The following OPCML variants were observed in gnomAD, a reference collection of about 807,000 sequenced individuals.
OPCML encodes opioid binding protein/cell adhesion molecule like.
OPCML carries 13 observed loss-of-function variants against 37.8 expected under a neutral mutation model. The ratio of observed to expected loss-of-function variants is 0.34; its 90% CI spans 0.22 to 0.55. The LOEUF (loss-of-function observed/expected upper bound fraction) is 0.55, where lower values mean the gene tolerates loss of function less well. Among genes scored for constraint, OPCML ranks in the 20% least tolerant of loss-of-function variants. OPCML has a pLI of 0.91. For missense variants in OPCML, 341 were observed against 435.6 expected (o/e 0.78, Z 1.93); for synonymous variants, 176 against 168.8 (o/e 1.04, Z -0.33).
intron 3 of OPCML, among the ~76,000 whole-genome samples, chr11:132,648,347 C>A (rs966852965): frequency 2.0e-5 from 3 of 152,102 alleles, no homozygotes; most frequent in African/African-American, 4.8e-5. Context: ...CAGGTCTCTT[C>A]GGAAATAAGC....
At chr11:133,007,737 C>T in intron 1 of OPCML, 1 of 985,298 alleles carries the variant, frequency 1.0e-6, no homozygotes, top group Non-Finnish European at 1.2e-6. Flanking sequence ...AGACCCAGGC[C>T]CACACAGAGT....
At chr11:133,388,379 G>A (rs1945102053) in intron 1 of OPCML, among the ~76,000 whole-genome samples, 1 of 152,098 alleles carries the variant, frequency 6.6e-6, no homozygotes, top group Non-Finnish European at 1.5e-5. Flanking sequence ...GAATGAGCTG[G>A]GCCTCTACTC....
intron 1 of OPCML, among the ~76,000 whole-genome samples, chr11:133,002,451 A>G (rs1015092370): frequency 6.6e-6 from 1 of 152,222 alleles, no homozygotes; most frequent in Non-Finnish European, 1.5e-5. Flanking sequence ...CTCACCGCTT[A>G]CATCCATGTC....
At chr11:132,643,154 G>A (rs1030884435) in intron 3 of OPCML, among the ~76,000 whole-genome samples, 1 of 152,208 alleles carries the variant, frequency 6.6e-6, no homozygotes, top group African/African-American at 2.4e-5. Context: ...GCACGAGCCT[G>A]TAATCCCAGC....
intron 3 of OPCML, among the ~76,000 whole-genome samples, chr11:132,590,186 A>C (rs1416325499): frequency 1.3e-5 from 2 of 152,174 alleles, no homozygotes; most frequent in African/African-American, 4.8e-5. Flanking sequence ...TTACTATTCA[A>C]ATTTTATTTC....
intron 1 of OPCML, among the ~76,000 whole-genome samples, chr11:133,384,862 TGAGTGGTAG>T (rs1945010907): frequency 6.6e-6 from 1 of 152,194 alleles, no homozygotes. Context: ...TGGCTGGACA[TGAGTGGTAG>T]CTGCAGGAAG....
intron 1 of OPCML, among the ~76,000 whole-genome samples, chr11:133,290,864 G>A (rs757859362): frequency 3.2e-4 from 48 of 152,228 alleles, no homozygotes; most frequent in Non-Finnish European, 6.2e-4. Flanking sequence ...TGAGGCCACA[G>A]CAATGGAGTT....
At chr11:132,905,783 A>G (rs1266930207) in intron 2 of OPCML, among the ~76,000 whole-genome samples, 1 of 152,140 alleles carries the variant, frequency 6.6e-6, no homozygotes, top group Non-Finnish European at 1.5e-5. Context: ...ATAAGCTTAG[A>G]TAAGTTATCA....
chr11:133,184,888 G>A (rs1018483333), intron 1 of OPCML, among the ~76,000 whole-genome samples: 1 of 152,176 alleles, frequency 6.6e-6, no homozygotes, highest in Admixed American at 6.5e-5. Flanking sequence ...ACGTTTTCTA[G>A]TCTCATCCTA....
intron 1 of OPCML, among the ~76,000 whole-genome samples, chr11:132,970,056 C>T (rs1041550264): frequency 3.9e-5 from 6 of 152,118 alleles, no homozygotes; most frequent in African/African-American, 1.4e-4. Flanking sequence ...ACTGACCCTC[C>T]TGGCTCTCTT....
intron 4 of OPCML, among the ~76,000 whole-genome samples, chr11:132,488,617 T>C (rs1223962568): frequency 6.6e-6 from 1 of 152,226 alleles, no homozygotes; most frequent in Non-Finnish European, 1.5e-5. Flanking sequence ...CCTGGGATAT[T>C]ACCATACTCC....
intron 1 of OPCML, among the ~76,000 whole-genome samples, chr11:132,948,393 A>G (rs1192647490): frequency 6.6e-6 from 1 of 152,182 alleles, no homozygotes; most frequent in East Asian, 1.9e-4. Context: ...TAAAGTTTGA[A>G]TATTTCTGGC....
At chr11:132,640,520 T>C (rs1793280) in intron 3 of OPCML, among the ~76,000 whole-genome samples, 15,474 of 152,144 alleles carry the variant, frequency 0.1, 1,103 homozygotes, top group African/African-American at 0.21. Flanking sequence ...TGTCATTTCT[T>C]TTATCATGAA....
chr11:133,284,517 CAG>C (rs1167228612), intron 1 of OPCML, among the ~76,000 whole-genome samples: 1 of 152,152 alleles, frequency 6.6e-6, no homozygotes, highest in Non-Finnish European at 1.5e-5. Flanking sequence ...AGGAGGAAGA[CAG>C]AGATGGGAAG....
chr11:132,782,873 T>C (rs1230932633), intron 2 of OPCML, among the ~76,000 whole-genome samples: 1 of 147,120 alleles, frequency 6.8e-6, no homozygotes, highest in Non-Finnish European at 1.5e-5. Flanking sequence ...TATAATTATA[T>C]ATAAATAACT....
intron 1 of OPCML, among the ~76,000 whole-genome samples, chr11:133,316,650 G>A (rs1943211698): frequency 6.6e-6 from 1 of 152,022 alleles, no homozygotes; most frequent in Non-Finnish European, 1.5e-5. Context: ...ACATAAAATA[G>A]GAATTAGAAA....
intron 2 of OPCML, among the ~76,000 whole-genome samples, chr11:132,699,077 T>G (rs1399600446): frequency 1.3e-5 from 2 of 152,110 alleles, no homozygotes; most frequent in Non-Finnish European, 2.9e-5. Context: ...ACAAGTCTTT[T>G]ACCTCCTGGT....
At chr11:132,480,056 C>T (rs551834698) in intron 4 of OPCML, among the ~76,000 whole-genome samples, 21 of 152,082 alleles carry the variant, frequency 1.4e-4, no homozygotes, top group Admixed American at 2.0e-4. Context: ...AGGCTTCAGA[C>T]GATCAAATTA....
intron 1 of OPCML, among the ~76,000 whole-genome samples, chr11:133,105,124 G>A (rs536405597): frequency 1.3e-4 from 20 of 152,208 alleles, no homozygotes; most frequent in South Asian, 4.1e-4. Context: ...CCTACTATGC[G>A]TGTTCAATAA....
Sources: allele counts gnomAD v4.1 joint callset (sites outside exome capture counted in the v4.1 genomes callset), GRCh38; gene constraint gnomAD v4.1.1; transcripts MANE v1.5; gene names NCBI Gene and HGNC (gene_info 2026-07-23, HGNC 2026-07-21).